The following NAV3 variants were observed in gnomAD, a reference collection of about 807,000 sequenced individuals.
NAV3 encodes the protein pore membrane and/or filament interacting like protein 1.
NAV3 carries 87 observed loss-of-function variants against 244.7 expected under a neutral mutation model. The observed-to-expected ratio is 0.36, with a 90% CI of 0.30 to 0.42. The LOEUF is 0.42. NAV3 is among the 20% of genes least tolerant of loss of function. The pLI is 1.00. For missense variants in NAV3, 2,663 were observed against 2,893.3 expected (o/e 0.92, Z 1.83); for synonymous variants, 1,126 against 1,042.2 (o/e 1.08, Z -1.55).
chr12:78,141,286 T>G (rs1956601426), intron 20 of NAV3, among the ~76,000 whole-genome samples: 1 of 152,194 alleles, frequency 6.6e-6, no homozygotes, highest in Non-Finnish European at 1.5e-5. Flanking sequence ...AGAGTTTTTC[T>G]GTTTGGTAAA....
At chr12:77,686,479 C>T (rs772696053) in intron 2 of NAV3, among the ~76,000 whole-genome samples, 3 of 121,956 alleles carry the variant, frequency 2.5e-5, no homozygotes, top group Non-Finnish European at 3.5e-5. Flanking sequence ...AAGTTGGTTT[C>T]GTAGTTTGGC....
chr12:77,856,313 G>A (rs571535482), intron 1 of NAV3, among the ~76,000 whole-genome samples: 2 of 152,210 alleles, frequency 1.3e-5, no homozygotes, highest in South Asian at 4.1e-4. Context: ...AATAAATAAT[G>A]CTTTATGAAA....
intron 2 of NAV3, among the ~76,000 whole-genome samples, chr12:77,644,143 T>C (rs558714178): frequency 1.3e-5 from 2 of 152,170 alleles, no homozygotes; most frequent in African/African-American, 4.8e-5. Context: ...ACTTTAGACC[T>C]GAGAGGCACC....
At chr12:77,986,132 C>T (rs1011775634) in intron 5 of NAV3, among the ~76,000 whole-genome samples, 1 of 152,106 alleles carries the variant, frequency 6.6e-6, no homozygotes, top group African/African-American at 2.4e-5. Flanking sequence ...GAGGCCAAGG[C>T]GGGTGGATCA....
chr12:77,624,369 C>T (rs1454518086), intron 2 of NAV3, among the ~76,000 whole-genome samples: 3 of 152,018 alleles, frequency 2.0e-5, no homozygotes, highest in South Asian at 4.2e-4. Context: ...GTGCCAAACA[C>T]GTGGGAACTC....
chr12:77,597,785 A>G (rs1263304924), intron 2 of NAV3, among the ~76,000 whole-genome samples: 1 of 152,114 alleles, frequency 6.6e-6, no homozygotes, highest in Non-Finnish European at 1.5e-5. Context: ...ACCCAAGTCA[A>G]CTTCAGATGA....
intron 5 of NAV3, 99 bp from the exon 6 acceptor site, chr12:77,994,704 A>G: frequency 2.2e-6 from 2 of 893,668 alleles, no homozygotes; most frequent in Non-Finnish European, 1.8e-6. Context: ...ACGTGTTCCA[A>G]TTGCATTTCA....
chr12:77,842,617 C>T (rs1875874320), intron 1 of NAV3, among the ~76,000 whole-genome samples: 1 of 151,024 alleles, frequency 6.6e-6, no homozygotes, highest in Non-Finnish European at 1.5e-5. Context: ...TGTCCTCTCT[C>T]TTGGCTTGGA....
intron 1 of NAV3, among the ~76,000 whole-genome samples, chr12:77,911,747 A>T (rs1886612724): frequency 6.6e-6 from 1 of 152,144 alleles, no homozygotes; most frequent in South Asian, 2.1e-4. Context: ...TTTTCATTTT[A>T]TGACCAAATG....
intron 5 of NAV3, among the ~76,000 whole-genome samples, chr12:77,990,144 C>A (rs1274359626): frequency 1.2e-5 from 1 of 80,982 alleles, no homozygotes; most frequent in Non-Finnish European, 2.4e-5. Flanking sequence ...GCACAGAAAG[C>A]CAATCACTAA....
chr12:77,587,988 T>C (rs548558126), intron 2 of NAV3, among the ~76,000 whole-genome samples: 74 of 152,364 alleles, frequency 4.9e-4, no homozygotes, highest in African/African-American at 1.7e-3. Context: ...TTCTATTATT[T>C]TTAAATCAGG....
At chr12:77,702,823 T>C (rs1875620322) in intron 2 of NAV3, among the ~76,000 whole-genome samples, 1 of 146,020 alleles carries the variant, frequency 6.8e-6, no homozygotes, top group African/African-American at 2.5e-5. Context: ...AGAAGAAAAA[T>C]AGATAGTATT....
chr12:77,984,983 A>AT (rs1870231439), intron 5 of NAV3, among the ~76,000 whole-genome samples: 1 of 152,024 alleles, frequency 6.6e-6, no homozygotes, highest in Non-Finnish European at 1.5e-5. Context: ...CGTTCAGCTA[A>AT]TTTTTTGTAT....
At chr12:77,895,675 G>T (rs1884514705) in intron 1 of NAV3, among the ~76,000 whole-genome samples, 1 of 148,058 alleles carries the variant, frequency 6.8e-6, no homozygotes, top group Admixed American at 6.8e-5. Flanking sequence ...TATCATGACT[G>T]TTTCAAATCT....
intron 2 of NAV3, among the ~76,000 whole-genome samples, chr12:77,587,494 CT>C: frequency 6.6e-6 from 1 of 152,176 alleles, no homozygotes; most frequent in South Asian, 2.1e-4. Context: ...TTCGTAAGCT[CT>C]TTTTGGAGAG....
chr12:78,071,137 C>G (rs2137625149), intron 12 of NAV3, among the ~76,000 whole-genome samples: 1 of 152,218 alleles, frequency 6.6e-6, no homozygotes, highest in Admixed American at 6.5e-5. Context: ...CACTGACTTC[C>G]ACAATGGTTG....
intron 2 of NAV3, among the ~76,000 whole-genome samples, chr12:77,665,635 C>T (rs964424007): frequency 2.0e-5 from 3 of 152,058 alleles, no homozygotes; most frequent in African/African-American, 7.2e-5. Flanking sequence ...TAAATATAAA[C>T]TATTAAACAT....
In NAV3 at chr12:77,943,259, A is replaced by G. The variant is rs550575380; in HGVS notation, c.414+2126A>G. Among the ~76,000 whole-genome samples, 4 of 152,286 alleles carry G rather than the reference A, an allele frequency of 2.6e-5. No individual in the cohort carries two copies. The East Asian group carries it at 7.7e-4, about 29-fold the overall frequency. Reference sequence around the variant, plus strand: ...AATATCATGTTACAGATATTATGCAAGTTATGTTGATATTTCCACTTCTGA... The same window carrying G: ...AATATCATGTTACAGATATTATGCAGGTTATGTTGATATTTCCACTTCTGA... On this transcript the variant is annotated intron_variant, in intron 3 of 39. Coordinates refer to ENST00000397909, the MANE Select transcript of NAV3 (RefSeq NM_001024383.2).
intron 2 of NAV3, among the ~76,000 whole-genome samples, chr12:77,741,148 CAAAAAAAA>C: frequency 1.3e-4 from 9 of 68,674 alleles, no homozygotes; most frequent in South Asian, 1.3e-3. Flanking sequence ...AAAAAAAAGA[CAAAAAAAA>C]AAAAAAAAAA....
Sources: gnomAD v4.1 joint callset for allele counts (sites outside exome capture counted in the v4.1 genomes callset) on GRCh38, gnomAD v4.1.1 for gene constraint, MANE v1.5 for transcripts, NCBI Gene and HGNC (gene_info 2026-07-23, HGNC 2026-07-21) for gene names.